FAT3: variants seen among roughly 807,000 people sequenced by gnomAD.
FAT3 encodes FAT atypical cadherin 3, also known as protocadherin Fat 3.
In FAT3, 95 loss-of-function variants were observed where a neutral mutation model predicts 310.2. That is an observed-to-expected ratio of 0.31 (90% CI 0.26 to 0.36). The LOEUF (loss-of-function observed/expected upper bound fraction) is 0.36. Among genes scored for constraint, FAT3 ranks in the 10% least tolerant of loss-of-function variants. FAT3 has a pLI of 1.00. For missense variants in FAT3, 5,408 were observed against 5,715.6 expected, an observed-to-expected ratio of 0.95 and a Z score of 1.74; for synonymous variants, 2,314 against 2,192.9, an observed-to-expected ratio of 1.06 and a Z score of -1.54.
chr11:92,867,224 G>A lies in FAT3; in HGVS notation c.12127+15G>A, dbSNP rs371304090. The A allele has an allele frequency of 8.3e-5, 128 of 1,545,942 alleles. 1 individual carries two copies. In the African/African-American group the frequency reaches 1.3e-3, roughly 16 times the overall value. On this transcript the variant is annotated intron_variant, in intron 22 of 27. Transcript: ENST00000525166. The stretch of plus-strand genomic sequence containing the variant: ...GCCATCGGGGGGTGAGTGTGGCTAC[G>A]CAGTGGGCACTGGCCTGGGGGTTTG...
chr11:92,384,619 C>T (rs555888902), intron 2 of FAT3, among the ~76,000 whole-genome samples: 1 of 152,270 alleles, frequency 6.6e-6, no homozygotes, highest in South Asian at 2.1e-4. Context: ...AGATCATGCA[C>T]TGCTATCATC....
chr11:92,563,366 T>C (rs1224091197), intron 3 of FAT3, among the ~76,000 whole-genome samples: 3 of 152,200 alleles, frequency 2.0e-5, no homozygotes, highest in South Asian at 2.1e-4. Flanking sequence ...TCATGTACTC[T>C]TATAAGTAAA....
intron 7 of FAT3, among the ~76,000 whole-genome samples, chr11:92,778,013 C>A (rs1946639537): frequency 6.6e-6 from 1 of 151,902 alleles, no homozygotes; most frequent in Non-Finnish European, 1.5e-5. Flanking sequence ...AGTGGAAGAT[C>A]CAGTGGCTGC....
intron 2 of FAT3, among the ~76,000 whole-genome samples, chr11:92,420,430 A>G (rs1256317915): frequency 6.6e-6 from 1 of 152,202 alleles, no homozygotes; most frequent in Admixed American, 6.5e-5. Context: ...AGCTATGCTC[A>G]GTCTTAGTTC....
chr11:92,896,408 GGTTTGTAACTGCCAAAA>G lies in FAT3; in HGVS notation c.*5296_*5312del, dbSNP rs1183896827. ...ACAAAAAAAAACACAACAGTGTACA[GGTTTGTAACTGCCAAAA>G]TTTGATGGTTAAAACAAGTTTTCAA... On this transcript the variant is annotated 3_prime_UTR_variant, in exon 28 of 28. Transcript: ENST00000525166. 1 of 151,028 alleles carries G rather than the reference GGTTTGTAACTGCCAAAA, an allele frequency of 6.6e-6. No individual in the cohort carries two copies. Among genetic ancestry groups the G allele is most frequent in the East Asian group, 1.9e-4 (1 of 5,180 alleles). The allele number at this position is 151,028 out of a possible 1,614,324, so 9.4% of individuals were successfully genotyped here.
At chr11:92,485,268 A>G (rs1352393067) in intron 2 of FAT3, among the ~76,000 whole-genome samples, 1 of 152,204 alleles carries the variant, frequency 6.6e-6, no homozygotes, top group African/African-American at 2.4e-5. Flanking sequence ...GTGGCACAGT[A>G]TAGGTGTTAA....
At chr11:92,334,709 C>T (rs1948010050) in intron 1 of FAT3, among the ~76,000 whole-genome samples, 1 of 152,070 alleles carries the variant, frequency 6.6e-6, no homozygotes, top group Non-Finnish European at 1.5e-5. Flanking sequence ...TCATTCTTTC[C>T]CTGGTAGAAT....
intron 2 of FAT3, among the ~76,000 whole-genome samples, chr11:92,477,770 T>C (rs1426668723): frequency 6.6e-6 from 1 of 152,246 alleles, no homozygotes; most frequent in Non-Finnish European, 1.5e-5. Flanking sequence ...CAAGGTTCAC[T>C]GATTTTTTCT....
chr11:92,315,512 T>TATATATAG (rs1353970811), intron 1 of FAT3, among the ~76,000 whole-genome samples: 37 of 56,168 alleles, frequency 6.6e-4, no homozygotes, highest in Non-Finnish European at 1.0e-3. Context: ...TATATATATA[T>TATATATAG]AGAGAGAGAG....
intron 4 of FAT3, among the ~76,000 whole-genome samples, chr11:92,708,201 A>G (rs1944414693): frequency 6.6e-6 from 1 of 152,242 alleles, no homozygotes. Flanking sequence ...CAGCCTTCAA[A>G]ATGGGGAAAA....
rs557729580 is a variant in FAT3, at chr11:92,430,434, G to A, written c.3292+75030G>A. On this transcript the variant is annotated intron_variant, in intron 2 of 27. Transcript: ENST00000525166. ...GGCATTCTGGTTTTTGGAATTTTCC[G>A]CCTTTTGCACTGTTTTTTCCTTATC... Among the ~76,000 whole-genome samples, 49 of 152,178 alleles carry A rather than the reference G, an allele frequency of 3.2e-4. No individual in the cohort carries two copies. In the South Asian group the frequency reaches 7.9e-3, roughly 24 times the overall value.
intron 3 of FAT3, among the ~76,000 whole-genome samples, chr11:92,637,926 G>T (rs1021245945): frequency 6.6e-6 from 1 of 152,138 alleles, no homozygotes; most frequent in Non-Finnish European, 1.5e-5. Context: ...AGCAAAAGCC[G>T]CATGCTGTTT....
chr11:92,862,763 A>G (rs530849620), intron 21 of FAT3, among the ~76,000 whole-genome samples: 6 of 152,362 alleles, frequency 3.9e-5, no homozygotes, highest in South Asian at 4.1e-4. Flanking sequence ...TAATAATAAG[A>G]TAACTAAGAG....
chr11:92,549,398 G>A (rs1565402615), intron 3 of FAT3, among the ~76,000 whole-genome samples: 1 of 152,136 alleles, frequency 6.6e-6, no homozygotes, highest in Non-Finnish European at 1.5e-5. Context: ...GGAAATTAAG[G>A]ATTTATTTTT....
At chr11:92,704,379 A>C (rs1944201429) in intron 4 of FAT3, among the ~76,000 whole-genome samples, 1 of 152,200 alleles carries the variant, frequency 6.6e-6, no homozygotes, top group South Asian at 2.1e-4. Flanking sequence ...GCTTGGACTC[A>C]GCAGAGGAGT....
intron 3 of FAT3, among the ~76,000 whole-genome samples, chr11:92,553,413 A>G (rs575766642): frequency 6.6e-6 from 1 of 152,346 alleles, no homozygotes; most frequent in Admixed American, 6.5e-5. Flanking sequence ...ATTAGCTTCA[A>G]AGAGCTTAGA....
At chr11:92,886,846 G>A (rs1316847063) in intron 24 of FAT3, 154 bp from the exon 25 acceptor site, 2 of 625,738 alleles carry the variant, frequency 3.2e-6, no homozygotes, top group African/African-American at 3.7e-5. Flanking sequence ...TGCCCCCAGT[G>A]GCACAGTCAA....
At chr11:92,280,792 A>G (rs2134363131) in intron 1 of FAT3, among the ~76,000 whole-genome samples, 1 of 152,224 alleles carries the variant, frequency 6.6e-6, no homozygotes, top group East Asian at 1.9e-4. Context: ...GCCTTACCAA[A>G]TGACTTGAAT....
At chr11:92,618,892 G>C (rs1940949186) in intron 3 of FAT3, among the ~76,000 whole-genome samples, 1 of 151,924 alleles carries the variant, frequency 6.6e-6, no homozygotes, top group Non-Finnish European at 1.5e-5. Context: ...AGTCAAAGCA[G>C]CAAGAGCATA....
Sources: allele counts gnomAD v4.1 joint callset (sites outside exome capture counted in the v4.1 genomes callset), GRCh38; gene constraint gnomAD v4.1.1; transcripts MANE v1.5; gene names NCBI Gene and HGNC (gene_info 2026-07-23, HGNC 2026-07-21).